UTP6: variants seen among roughly 807,000 people sequenced by gnomAD.
The protein encoded by UTP6 is UTP6 small subunit processome component, also known as U3 small nucleolar RNA-associated protein 6 homolog.
Under a neutral mutation model 96.5 loss-of-function variants are expected in UTP6, and 60 were observed. The observed-to-expected ratio is 0.62, with a 90% CI of 0.51 to 0.77. UTP6 has a LOEUF of 0.77. UTP6 is among the 30% of genes least tolerant of loss of function. The pLI is 0.00. For synonymous variants in UTP6, 215 were observed against 240.1 expected, an observed-to-expected ratio of 0.90 and a Z score of 0.96; for missense variants, 637 against 706.5, an observed-to-expected ratio of 0.90 and a Z score of 1.12.
At chr17:31,893,959 A>C (rs1978116) in intron 4 of UTP6, among the ~76,000 whole-genome samples, 36,378 of 151,774 alleles carry the variant, frequency 0.24, 4,811 homozygotes, top group African/African-American at 0.35. Context: ...ATTTGTCATT[A>C]CCAAGAATCC....
intron 1 of UTP6, 78 bp downstream of exon 1, chr17:31,901,458 C>T: frequency 7.3e-7 from 1 of 1,367,564 alleles, no homozygotes; most frequent in Non-Finnish European, 1.0e-6. Context: ...CGAGCGTCCC[C>T]ACATCTAGCC....
At chr17:31,871,053 G>T (rs567043551) in intron 16 of UTP6, among the ~76,000 whole-genome samples, 100 of 138,152 alleles carry the variant, frequency 7.2e-4, no homozygotes, top group Non-Finnish European at 1.3e-3. Flanking sequence ...GCAGTGGCGC[G>T]ATCTCAGCTC....
chr17:31,875,837 A>AG (rs1910470208), intron 13 of UTP6, among the ~76,000 whole-genome samples: 1 of 151,660 alleles, frequency 6.6e-6, no homozygotes. Context: ...AAAAAAAAAA[A>AG]AGAAAAGAAA....
Position 31,880,715 on chromosome 17 carries a change from A to G in UTP6, c.825T>C (p.Asp275=), listed in dbSNP as rs779028384. ...TCTCTAATTCTCGCCTTGCCACATA[A>G]TCCCAAGTGAGAGGATCATCTGTGT... ...ALHTDDPLTW[D]YVARRELEIE... The change falls in exon 11 of 19, where the codon GAT becomes GAC. Residue 275 remains aspartate (D), a synonymous_variant. Transcript: ENST00000261708. The G allele has an allele frequency of 2.5e-6, 4 of 1,614,134 alleles. No homozygotes were observed. In the East Asian group the frequency reaches 8.9e-5, roughly 36 times the overall value.
intron 1 of UTP6, chr17:31,901,224 T>C (rs1422231525): frequency 2.9e-6 from 1 of 344,380 alleles, no homozygotes; most frequent in African/African-American, 2.1e-5. Flanking sequence ...AATATTTAAT[T>C]TGTCTGTCTC....
intron 4 of UTP6, among the ~76,000 whole-genome samples, chr17:31,893,551 G>T (rs1350273132): frequency 6.6e-6 from 1 of 151,244 alleles, no homozygotes; most frequent in Non-Finnish European, 1.5e-5. Flanking sequence ...GGCCAAGATG[G>T]TGAAACCCTG....
At chr17:31,889,463 G>C (rs1293987553) in intron 6 of UTP6, 60 bp from the exon 7 acceptor site, 13 of 1,122,672 alleles carry the variant, frequency 1.2e-5, no homozygotes, top group Non-Finnish European at 1.3e-5. Context: ...GACAAGAAAA[G>C]AACCAAATGA....
intron 16 of UTP6, among the ~76,000 whole-genome samples, chr17:31,868,324 G>GGT (rs1567776600): frequency 3.4e-5 from 2 of 58,830 alleles, no homozygotes; most frequent in Non-Finnish European, 7.7e-5. Flanking sequence ...TTAGTTTTTT[G>GGT]GTTTTTTTTT....
rs1021185749 is a variant in UTP6, at chr17:31,873,902, C to T, written c.1306-149G>A. 9.0e-6 allele frequency: 7 copies of T among 780,216 alleles called. No individual in the cohort carries two copies. The African/African-American group carries it at 9.0e-5, about 10-fold the overall frequency. 48.3% of individuals were successfully genotyped at this position (780,216 alleles called of 1,614,324 possible). On this transcript the variant is annotated intron_variant, in intron 14 of 18. Coordinates refer to ENST00000261708, the MANE Select transcript of UTP6 (RefSeq NM_018428.3). ...ATGCTCTGAAAACTAGTTAAAAAGGCAGGTTCCTCCTAAGATAATCAACAT... is the reference window on the plus strand; with the variant it reads ...ATGCTCTGAAAACTAGTTAAAAAGGTAGGTTCCTCCTAAGATAATCAACAT...
chr17:31,867,955 CA>C (rs894578201), intron 17 of UTP6, 90 bp downstream of exon 17: 77 of 1,323,198 alleles, frequency 5.8e-5, no homozygotes, highest in Middle Eastern at 2.5e-4. Context: ...GACTCTGCCT[CA>C]AAAAAAACAA....
intron 16 of UTP6, 140 bp downstream of exon 16, chr17:31,873,238 A>G (rs967222777): frequency 8.1e-6 from 6 of 737,252 alleles, no homozygotes; most frequent in Non-Finnish European, 1.3e-5. Flanking sequence ...TGGGCAACAG[A>G]GCAAGACTCC....
chr17:31,893,197 C>T (rs771575911), intron 4 of UTP6, among the ~76,000 whole-genome samples: 14 of 151,986 alleles, frequency 9.2e-5, no homozygotes, highest in Non-Finnish European at 1.5e-4. Context: ...CGCTTGAAGC[C>T]GGGAGGCCGA....
intron 1 of UTP6, among the ~76,000 whole-genome samples, chr17:31,900,244 C>T (rs1245008154): frequency 1.3e-5 from 2 of 152,288 alleles, no homozygotes; most frequent in Middle Eastern, 3.4e-3. Flanking sequence ...AAACCAATGA[C>T]ATTCCCACCA....
intron 18 of UTP6, among the ~76,000 whole-genome samples, chr17:31,863,906 GC>G (rs1909670156): frequency 6.6e-6 from 1 of 152,046 alleles, no homozygotes; most frequent in South Asian, 2.1e-4. Flanking sequence ...TCACTATATT[GC>G]CCAGGCTAGT....
chr17:31,888,274 A>G (rs2142314573), intron 7 of UTP6: 1 of 152,264 alleles, frequency 6.6e-6, no homozygotes, highest in East Asian at 1.9e-4. Flanking sequence ...AATAAAAACA[A>G]AAGTATAAAG....
rs1598123737 is a variant in UTP6 at position 31,899,559 on chromosome 17, C to T, written c.177+87G>A. The stretch of plus-strand genomic sequence containing the variant: ...AGAGATCACACCATTCACACCACTG[C>T]ACTCCAACCTGGGTGACAGAGTGAG... On this transcript the variant is annotated intron_variant, in intron 2 of 18. Coordinates refer to ENST00000261708, the MANE Select transcript of UTP6 (RefSeq NM_018428.3). 6.2e-6 allele frequency: 6 copies of T among 966,706 alleles called. No individual in the cohort carries two copies. The East Asian group carries it at 1.7e-4, about 27-fold the overall frequency. 59.9% of individuals were successfully genotyped at this position (966,706 alleles called of 1,614,324 possible).
At chr17:31,863,715 T>C (rs1909658511) in intron 18 of UTP6, among the ~76,000 whole-genome samples, 199 bp from the exon 19 acceptor site, 1 of 152,142 alleles carries the variant, frequency 6.6e-6, no homozygotes, top group African/African-American at 2.4e-5. Flanking sequence ...TGTTTTTTTC[T>C]TTTTTGAGAC....
At chr17:31,897,608 C>A (rs966677843) in intron 2 of UTP6, among the ~76,000 whole-genome samples, 2 of 151,840 alleles carry the variant, frequency 1.3e-5, no homozygotes, top group Non-Finnish European at 2.9e-5. Flanking sequence ...ACACCACACC[C>A]GGCTAATTTT....
At chr17:31,869,830 C>A (rs1341792471) in intron 16 of UTP6, among the ~76,000 whole-genome samples, 1 of 152,120 alleles carries the variant, frequency 6.6e-6, no homozygotes, top group Non-Finnish European at 1.5e-5. Context: ...ATTCCTCCTA[C>A]CCTCCTTCCC....
Sources: allele counts gnomAD v4.1 joint callset (sites outside exome capture counted in the v4.1 genomes callset), GRCh38; gene constraint gnomAD v4.1.1; transcripts MANE v1.5; gene names NCBI Gene and HGNC (gene_info 2026-07-23, HGNC 2026-07-21).